RIN3: variants seen among roughly 807,000 people sequenced by gnomAD.
The protein encoded by RIN3 is Ras and Rab interactor 3, also known as RAB5 interacting protein 3.
Under a neutral mutation model 76.3 loss-of-function variants are expected in RIN3, and 54 were observed. That is an observed-to-expected ratio of 0.71 (90% CI 0.57 to 0.89). The LOEUF (loss-of-function observed/expected upper bound fraction) is 0.89. Ranked by LOEUF, RIN3 falls within the 40% of genes least tolerant of loss-of-function variation. RIN3 has a pLI of 0.00. For synonymous variants in RIN3, 576 were observed against 564.0 expected (o/e 1.02, Z -0.30); for missense variants, 1,256 against 1,322.1 (o/e 0.95, Z 0.78).
chr14:92,580,935 T>A (rs1898416028), intron 3 of RIN3, among the ~76,000 whole-genome samples: 1 of 152,236 alleles, frequency 6.6e-6, no homozygotes, highest in Admixed American at 6.5e-5. Flanking sequence ...AGAAGCCTGA[T>A]CCATGGGTAG....
chr14:92,644,758 G>A (rs1037467738), intron 5 of RIN3: 4 of 152,256 alleles, frequency 2.6e-5, no homozygotes, highest in African/African-American at 9.7e-5. Flanking sequence ...TGGAGACCCA[G>A]GGCGCAAGGA....
chr14:92,603,717 T>TC, intron 3 of RIN3, among the ~76,000 whole-genome samples: 1 of 152,276 alleles, frequency 6.6e-6, no homozygotes, highest in East Asian at 1.9e-4. Flanking sequence ...CTCTTCTCAC[T>TC]TTTGGCAGCT....
intron 7 of RIN3, among the ~76,000 whole-genome samples, chr14:92,669,646 A>T (rs1301769738): frequency 6.6e-6 from 1 of 151,344 alleles, no homozygotes; most frequent in Non-Finnish European, 1.5e-5. Context: ...GGTGGGGGTG[A>T]GGTGGGGGGT....
intron 1 of RIN3, among the ~76,000 whole-genome samples, chr14:92,548,709 C>T (rs1427607009): frequency 1.3e-5 from 2 of 152,156 alleles, no homozygotes; most frequent in African/African-American, 2.4e-5. Context: ...CTTATAGGGA[C>T]ACCTCTCATT....
chr14:92,680,757 T>A (rs1423837172), intron 8 of RIN3, among the ~76,000 whole-genome samples: 4 of 152,344 alleles, frequency 2.6e-5, no homozygotes, highest in African/African-American at 7.2e-5. Context: ...GCCTGCAAGT[T>A]GGATTCTGTG....
chr14:92,634,061 A>G (rs1311130113), intron 4 of RIN3, among the ~76,000 whole-genome samples: 3 of 133,354 alleles, frequency 2.2e-5, no homozygotes, highest in African/African-American at 6.1e-5. Flanking sequence ...ATTTATTCTA[A>G]AAATCCCTTT....
chr14:92,659,268 C>G lies in RIN3; in HGVS notation c.2134C>G (p.Leu712Val). 6.2e-7 allele frequency: 1 copy of G among 1,614,160 alleles called. No individual in the cohort carries two copies. Among genetic ancestry groups the G allele is most frequent in the Non-Finnish European group, 8.5e-7 (1 of 1,179,992 alleles). ...IHSKDGSLQQ[L>V]KENQLVILAT... ...CAGCAAGGATGGTTCGCTGCAGCAGCTCAAGGAGAACCAGTTAGTGATCCT... is the reference window on the plus strand; with the variant it reads ...CAGCAAGGATGGTTCGCTGCAGCAGGTCAAGGAGAACCAGTTAGTGATCCT... The change falls in exon 7 of 10, where the codon CTC becomes GTC. Residue 712 changes from leucine (L) to valine (V), a missense_variant. Physicochemically the swap from Leu to Val is conservative, Grantham distance 32 (BLOSUM62 1). This residue lies in a region of RIN3 where 428 missense variants were observed against 521.2 expected (regional missense o/e 0.82). Transcript: ENST00000216487.
chr14:92,678,135 C>T (rs867200156), intron 8 of RIN3, among the ~76,000 whole-genome samples: 3 of 151,462 alleles, frequency 2.0e-5, no homozygotes, highest in Middle Eastern at 3.4e-3. Context: ...CATATTCACC[C>T]AGCCATCCAC....
At chr14:92,654,313 T>TAA (rs35920629) in intron 6 of RIN3, among the ~76,000 whole-genome samples, 3 of 131,038 alleles carry the variant, frequency 2.3e-5, no homozygotes, top group Non-Finnish European at 3.3e-5. Flanking sequence ...AAACTCTGTC[T>TAA]AAAAAAAAAA....
chr14:92,531,535 C>A (rs1472385436), intron 1 of RIN3, among the ~76,000 whole-genome samples: 1 of 152,218 alleles, frequency 6.6e-6, no homozygotes, highest in Admixed American at 6.5e-5. Context: ...GGCACCTGGG[C>A]CTGGCAGGCG....
At chr14:92,541,315 A>G (rs537703737) in intron 1 of RIN3, among the ~76,000 whole-genome samples, 1 of 149,042 alleles carries the variant, frequency 6.7e-6, no homozygotes, top group South Asian at 2.1e-4. Context: ...AAAACTGGTT[A>G]GGTCATGTTA....
chr14:92,675,031 CTA>C (rs1888414099), intron 7 of RIN3, among the ~76,000 whole-genome samples: 1 of 152,136 alleles, frequency 6.6e-6, no homozygotes, highest in Non-Finnish European at 1.5e-5. Context: ...GCATGTCTCT[CTA>C]TGTCCCCAAA....
intron 9 of RIN3, chr14:92,687,311 G>A (rs1888900775): frequency 6.6e-6 from 1 of 152,280 alleles, no homozygotes. Flanking sequence ...TGCTCGTGCT[G>A]CGAGTGCCCA....
chr14:92,665,621 T>C (rs946001223), intron 7 of RIN3, among the ~76,000 whole-genome samples: 10 of 152,034 alleles, frequency 6.6e-5, no homozygotes, highest in African/African-American at 2.4e-4. Flanking sequence ...GACCTCATGA[T>C]CCACCCACCT....
rs780395799 is a variant in RIN3 at position 92,652,347 on chromosome 14, G to A, written c.1298G>A (p.Gly433Asp). ...ACGCCCCGGGAGAGCACGGAGCAAG[G>A]CCAGGACACAGAGGTGAAAGCCAGC... ...EDTPRESTEQ[G>D]QDTEVKASDP... Residue 433 changes from glycine to aspartate, a missense_variant, in exon 6 of 10, where the codon GGC (glycine) becomes GAC (aspartate). Gly to Asp is a moderately conservative substitution (Grantham distance 94). This residue lies in a region of RIN3 where 610 missense variants were observed against 626.4 expected (regional missense o/e 0.97). Coordinates refer to ENST00000216487, the MANE Select transcript of RIN3 (RefSeq NM_024832.5). The surrounding 1 kb of genome is among the most constrained non-coding windows in gnomAD (Gnocchi z 6.4). The A allele has an allele frequency of 3.7e-6, 6 of 1,606,406 alleles. No homozygotes were observed. The East Asian group carries it at 1.1e-4, about 30-fold the overall frequency.
chr14:92,536,462 A>G (rs1228792331), intron 1 of RIN3, among the ~76,000 whole-genome samples: 1 of 152,186 alleles, frequency 6.6e-6, no homozygotes. Flanking sequence ...GCCAGGGTTC[A>G]GCCGGGAGCA....
chr14:92,641,318 A>T lies in RIN3; in HGVS notation c.521A>T (p.Asn174Ile), dbSNP rs1595476762. ...TTCACGGACCTTGAGACCATCGCCA[A>T]CCTGGGTCTGGGTGAGTCTTCTCCG... The part of the protein sequence containing the change: ...SSFTDLETIA[N>I]LGLGFWDSSL... Residue 174 changes from asparagine to isoleucine, a missense_variant, in exon 5 of 10, where the codon AAC becomes ATC. Around this residue, in one of 3 missense-constraint regions of RIN3, gnomAD observed 610 missense variants for 626.4 expected, o/e 0.97. Transcript: ENST00000216487. 1.2e-6 allele frequency: 2 copies of T among 1,613,518 alleles called. No individual in the cohort carries two copies. The highest frequency in any genetic ancestry group is 1.1e-5 in the South Asian group (1 of 91,078).
chr14:92,644,626 G>A (rs974491701), intron 5 of RIN3: 3 of 152,210 alleles, frequency 2.0e-5, no homozygotes, highest in Non-Finnish European at 2.9e-5. Flanking sequence ...TTGCAGCTTA[G>A]GAGCTGAAGG....
At chr14:92,583,558 GA>G (rs1295365876) in intron 3 of RIN3, among the ~76,000 whole-genome samples, 1 of 151,602 alleles carries the variant, frequency 6.6e-6, no homozygotes, top group Non-Finnish European at 1.5e-5. Context: ...AATATTCAAA[GA>G]AAAAAAGATG....
Sources: allele counts gnomAD v4.1 joint callset (sites outside exome capture counted in the v4.1 genomes callset), GRCh38; gene constraint gnomAD v4.1.1; regional missense constraint gnomAD v4.1.1; non-coding constraint Gnocchi (gnomAD v3.1); transcripts MANE v1.5; gene names NCBI Gene and HGNC (gene_info 2026-07-23, HGNC 2026-07-21).